The following TNIP3 variants were observed in gnomAD, a reference collection of about 807,000 sequenced individuals.
The protein encoded by TNIP3 is TNFAIP3 interacting protein 3.
In TNIP3, 34 loss-of-function variants were observed where a neutral mutation model predicts 54.1. The observed-to-expected ratio is 0.63, with a 90% CI of 0.48 to 0.84. TNIP3 has a LOEUF of 0.84. TNIP3 is among the 40% of genes least tolerant of loss of function. TNIP3 has a pLI of 0.00. For missense variants in TNIP3, 366 were observed against 387.6 expected (o/e 0.94, Z 0.47); for synonymous variants, 134 against 136.8 (o/e 0.98, Z 0.14).
chr4:121,162,287 G>A (rs1286771677), intron 1 of TNIP3, among the ~76,000 whole-genome samples: 1 of 152,152 alleles, frequency 6.6e-6, no homozygotes, highest in African/African-American at 2.4e-5. Context: ...TTTAGGGTTT[G>A]ATGGTATTTT....
rs545597309 is a variant in TNIP3, at chr4:121,190,748, C to T, written c.69-7952G>A. On this transcript the variant is annotated intron_variant, in intron 2 of 12. Transcript: ENST00000507879. Reference sequence around the variant, plus strand: ...GAAATAAATATGAATAAGGGTAGAACCTTAACCGAAGTGTTGAGCTCAATA... The same window carrying T: ...GAAATAAATATGAATAAGGGTAGAATCTTAACCGAAGTGTTGAGCTCAATA... Among the ~76,000 whole-genome samples the T allele has an allele frequency of 3.5e-4, 53 of 152,286 alleles. No homozygotes were observed. The South Asian group carries it at 7.9e-3, about 23-fold the overall frequency.
intron 6 of TNIP3, among the ~76,000 whole-genome samples, chr4:121,148,544 A>G (rs1490730317): frequency 6.6e-6 from 1 of 152,194 alleles, no homozygotes; most frequent in African/African-American, 2.4e-5. Flanking sequence ...GCTAGCACCA[A>G]CAGTTACTTT....
At chr4:121,219,996 G>T (rs1579513239), upstream of TNIP3, among the ~76,000 whole-genome samples, 2 of 151,864 alleles carry the variant, frequency 1.3e-5, no homozygotes, top group South Asian at 4.1e-4. Context: ...TCCTCATCAG[G>T]TACTAAACCA....
upstream of TNIP3, among the ~76,000 whole-genome samples, chr4:121,216,939 G>A (rs1726821119): frequency 1.3e-5 from 2 of 152,076 alleles, no homozygotes; most frequent in African/African-American, 4.8e-5. Context: ...GACCGCTCAT[G>A]CCAGCTTTTT....
chr4:121,165,402 AC>A (rs1730706190), upstream of TNIP3, among the ~76,000 whole-genome samples: 3 of 151,808 alleles, frequency 2.0e-5, no homozygotes, highest in South Asian at 6.3e-4. Flanking sequence ...CCTCCATCCA[AC>A]CTTATGACGG....
chr4:121,158,280 A>G (rs1730231354), intron 3 of TNIP3, among the ~76,000 whole-genome samples: 1 of 152,160 alleles, frequency 6.6e-6, no homozygotes, highest in Admixed American at 6.5e-5. Flanking sequence ...TGTGGAAAAT[A>G]GGTCATGCTA....
intron 10 of TNIP3, among the ~76,000 whole-genome samples, chr4:121,135,352 T>C (rs1450086436): frequency 1.3e-5 from 2 of 152,190 alleles, no homozygotes; most frequent in African/African-American, 4.8e-5. Context: ...ACTCATTATC[T>C]GCCATACCTT....
chr4:121,214,663 C>A (rs528942179), intron 2 of TNIP3, among the ~76,000 whole-genome samples: 1 of 152,194 alleles, frequency 6.6e-6, no homozygotes, highest in East Asian at 1.9e-4. Flanking sequence ...CTTCTGCTAC[C>A]AAAGGAGGAT....
chr4:121,156,976 C>T, intron 4 of TNIP3, 118 bp downstream of exon 4: 4 of 1,334,412 alleles, frequency 3.0e-6, no homozygotes, highest in Non-Finnish European at 4.2e-6. Flanking sequence ...CCTTGCACAT[C>T]GGTCGTTGCT....
rs994712743 is a variant in TNIP3, at chr4:121,132,577, G to A, written c.*54C>T. On this transcript the variant is annotated 3_prime_UTR_variant, in exon 11 of 11. Transcript: ENST00000057513. ...AGCCTCAGTATAAACAAAGAAGAGG[G>A]TCCTCAGCCACGCTCCCTCGTTGCC... 2.8e-5 allele frequency: 44 copies of A among 1,546,770 alleles called. No individual in the cohort carries two copies. The Middle Eastern group carries it at 2.0e-3, about 71-fold the overall frequency.
intron 4 of TNIP3, among the ~76,000 whole-genome samples, chr4:121,156,163 G>A (rs1560652218): frequency 6.6e-6 from 1 of 152,168 alleles, no homozygotes; most frequent in Non-Finnish European, 1.5e-5. Context: ...ACCTGGACTG[G>A]CATTGTCTGC....
chr4:121,156,054 T>C (rs1008856974), intron 4 of TNIP3, among the ~76,000 whole-genome samples: 1 of 152,094 alleles, frequency 6.6e-6, no homozygotes, highest in African/African-American at 2.4e-5. Context: ...TAGAGTGTAA[T>C]TGGAAAAGGA....
chr4:121,189,893 G>A (rs1316174902), intron 2 of TNIP3, among the ~76,000 whole-genome samples: 1 of 152,064 alleles, frequency 6.6e-6, no homozygotes, highest in Non-Finnish European at 1.5e-5. Flanking sequence ...TTTGTGATGT[G>A]CCAGCTCACT....
intron 2 of TNIP3, among the ~76,000 whole-genome samples, chr4:121,159,077 T>C (rs1030936505): frequency 2.6e-5 from 4 of 152,160 alleles, no homozygotes; most frequent in Non-Finnish European, 5.9e-5. Flanking sequence ...ATCCCGTCTC[T>C]ACTAAAAATA....
At chr4:121,138,574 C>A in intron 10 of TNIP3, 50 bp downstream of exon 10, 1 of 1,526,818 alleles carries the variant, frequency 6.5e-7, no homozygotes, top group South Asian at 1.1e-5. Flanking sequence ...CCCAAAAGAT[C>A]CCATTAAGAT....
chr4:121,151,086 T>A (rs538512309), intron 5 of TNIP3, among the ~76,000 whole-genome samples: 1 of 152,326 alleles, frequency 6.6e-6, no homozygotes, highest in African/African-American at 2.4e-5. Context: ...TTTGAAGACC[T>A]TTGGTTCATG....
At chr4:121,206,196 A>G (rs997519733) in intron 2 of TNIP3, among the ~76,000 whole-genome samples, 1 of 152,160 alleles carries the variant, frequency 6.6e-6, no homozygotes, top group Admixed American at 6.5e-5. Flanking sequence ...AAAGAAGAGC[A>G]AATTTAGACT....
At chr4:121,134,919 T>C (rs1728689436) in intron 10 of TNIP3, among the ~76,000 whole-genome samples, 2 of 152,194 alleles carry the variant, frequency 1.3e-5, no homozygotes, top group African/African-American at 4.8e-5. Flanking sequence ...CTGGGCCTGC[T>C]TCCAAGATTC....
chr4:121,211,281 T>A (rs1726463870), intron 2 of TNIP3, among the ~76,000 whole-genome samples: 1 of 152,208 alleles, frequency 6.6e-6, no homozygotes. Context: ...ATATAAATAC[T>A]AGCAAATGAT....
Sources: gnomAD v4.1 joint callset for allele counts (sites outside exome capture counted in the v4.1 genomes callset) on GRCh38, gnomAD v4.1.1 for gene constraint, MANE v1.5 for transcripts, NCBI Gene and HGNC (gene_info 2026-07-23, HGNC 2026-07-21) for gene names.